The following RNF213 variants were observed in gnomAD, a reference collection of about 807,000 sequenced individuals.
The protein encoded by RNF213 is ring finger protein 213.
RNF213 carries 341 observed loss-of-function variants against 514.4 expected under a neutral mutation model. That is an observed-to-expected ratio of 0.66 (90% CI 0.61 to 0.73). RNF213 has a LOEUF of 0.73. Ranked by LOEUF, RNF213 falls within the 30% of genes least tolerant of loss-of-function variation. The probability of loss-of-function intolerance (pLI) is 0.00; values close to 1 mark genes in which losing one functional copy is unlikely to be tolerated. For synonymous variants in RNF213, 2,655 were observed against 2,658.2 expected, an observed-to-expected ratio of 1.00 and a Z score of 0.04; for missense variants, 5,767 against 6,615.6, an observed-to-expected ratio of 0.87 and a Z score of 4.45.
chr17:80,282,678 G>A (rs1358560679), intron 3 of RNF213, among the ~76,000 whole-genome samples: 2 of 151,962 alleles, frequency 1.3e-5, no homozygotes, highest in Non-Finnish European at 2.9e-5. Context: ...GATTACAGGC[G>A]TGAGCCACTG....
intron 3 of RNF213, among the ~76,000 whole-genome samples, chr17:80,276,113 A>T (rs1195113691): frequency 6.6e-6 from 1 of 150,422 alleles, no homozygotes; most frequent in Non-Finnish European, 1.5e-5. Context: ...TTATTTATTT[A>T]TTTTTGAGAT....
chr17:80,351,888 C>A, intron 32 of RNF213, 85 bp downstream of exon 32: 1 of 780,260 alleles, frequency 1.3e-6, no homozygotes, highest in Non-Finnish European at 2.2e-6. Context: ...TGGAGTCTTG[C>A]TCTGTCACCA....
chr17:80,372,512 G>C lies in RNF213; in HGVS notation c.12538-9G>C. 3.7e-6 allele frequency: 6 copies of C among 1,603,244 alleles called. No homozygotes were observed. Among genetic ancestry groups the C allele is most frequent in the Non-Finnish European group, 5.1e-6 (6 of 1,171,040 alleles). On this transcript the variant is annotated splice_polypyrimidine_tract_variant and intron_variant, in intron 47 of 67. Coordinates refer to ENST00000582970, the MANE Select transcript of RNF213 (RefSeq NM_001256071.3). ...AATATCCTTTTCTTTCTTGTTCCTT[G>C]TTCCTCAGGATTCAATACTTGAGAA...
chr17:80,307,261 A>G, intron 13 of RNF213, 60 bp downstream of exon 13: 1 of 1,487,962 alleles, frequency 6.7e-7, no homozygotes, highest in Non-Finnish European at 9.4e-7. Flanking sequence ...GCTTCCTCTG[A>G]CCCCTATAAT....
chr17:80,359,697 C>G (rs1475868915), intron 37 of RNF213, among the ~76,000 whole-genome samples: 1 of 152,074 alleles, frequency 6.6e-6, no homozygotes, highest in Non-Finnish European at 1.5e-5. Flanking sequence ...AAAGACAAGG[C>G]GCTGCTGATG....
chr17:80,391,755 C>G (rs1599226585), intron 67 of RNF213, among the ~76,000 whole-genome samples: 1 of 139,978 alleles, frequency 7.1e-6, no homozygotes, highest in East Asian at 2.1e-4. Flanking sequence ...GGATTATAAA[C>G]TAGCCTTTTT....
At chr17:80,330,660 A>G (rs979663060) in intron 20 of RNF213, among the ~76,000 whole-genome samples, 1 of 152,236 alleles carries the variant, frequency 6.6e-6, no homozygotes, top group African/African-American at 2.4e-5. Flanking sequence ...GGATGTGTCT[A>G]GAAAGGCCCT....
chr17:80,336,334 C>T lies in RNF213; in HGVS notation c.4483C>T (p.Leu1495=). The T allele has an allele frequency of 6.5e-7, 1 of 1,537,268 alleles. No homozygotes were observed. Among genetic ancestry groups the T allele is most frequent in the Non-Finnish European group, 8.7e-7 (1 of 1,146,922 alleles). The part of the protein sequence containing the change: ...FSAFMKHLKK[L]WKALDKDQYL... ...TGCATTCATGAAGCATCTGAAAAAG[C>T]TGTGGAAGGCTCTGGATAAGGACCA... The change falls in exon 23 of 68, where the codon CTG becomes TTG. Residue 1495 remains leucine (L), a synonymous_variant. Coordinates refer to ENST00000582970, the MANE Select transcript of RNF213 (RefSeq NM_001256071.3).
intron 57 of RNF213, chr17:80,382,094 A>G (rs1202569448): frequency 1.3e-5 from 4 of 313,294 alleles, no homozygotes. Flanking sequence ...TGCTGGGAGC[A>G]CGTGTCGTCC....
At chr17:80,367,639 A>C (rs2079330632) in intron 42 of RNF213, 109 bp from the exon 43 acceptor site, 5 of 805,104 alleles carry the variant, frequency 6.2e-6, no homozygotes, top group African/African-American at 3.4e-5. Context: ...CCCACACCCC[A>C]CACACACGGC....
Position 80,295,705 on chromosome 17 carries a change from T to G in RNF213, c.1904T>G (p.Leu635Arg), listed in dbSNP as rs1295606127. Residue 635 changes from leucine (L) to arginine (R), a missense_variant, in exon 10 of 68, where the codon CTT becomes CGT. Around this residue, in one of 13 missense-constraint regions of RNF213, gnomAD observed 592 missense variants for 673.9 expected, o/e 0.88. Coordinates refer to ENST00000582970, the MANE Select transcript of RNF213 (RefSeq NM_001256071.3). Reference sequence around the variant, plus strand: ...CTTTTTGTAGTGGAAAAAATTGAGCTTTTATTAGAAGGCAGCCTGGACTGG... The same window carrying G: ...CTTTTTGTAGTGGAAAAAATTGAGCGTTTATTAGAAGGCAGCCTGGACTGG... ...IVLFVVEKIE[L>R]LLEGSLDWLC... 1.9e-6 allele frequency: 3 copies of G among 1,614,042 alleles called. No homozygotes were observed.
rs775908521 is a variant in RNF213, at chr17:80,346,612, C to T, written c.8277C>T (p.Ile2759=). The T allele has an allele frequency of 1.2e-4, 195 of 1,613,030 alleles. No individual in the cohort carries two copies. The highest frequency in any genetic ancestry group is 1.5e-4 in the Non-Finnish European group (175 of 1,180,042). ...ACGTCTTCATGATGGTCGTCTGCAT[C>T]GAGCTGAAGATTCCCCTCTTCCTGG... The part of the protein sequence containing the change: ...KENVFMMVVC[I]ELKIPLFLVG... The change falls in exon 29 of 68, where the codon ATC becomes ATT. Residue 2759 remains isoleucine (I), a synonymous_variant. Transcript: ENST00000582970. The surrounding 1 kb of genome is among the most constrained non-coding windows in gnomAD (Gnocchi z 8.1).
At chr17:80,323,429 G>T (rs1228363346) in intron 17 of RNF213, among the ~76,000 whole-genome samples, 1 of 152,156 alleles carries the variant, frequency 6.6e-6, no homozygotes, top group Admixed American at 6.5e-5. Flanking sequence ...TGACAAGGAA[G>T]TCAGCTGGGA....
At position 80,288,588 on chromosome 17, in the gene RNF213, C is replaced by T; in HGVS notation, c.811-45C>T. ...CTTAAACCATTGAGTCGGAGTCACC[C>T]TGGCCCATTTTGTCACCTTGGCTCT... On this transcript the variant is annotated intron_variant, in intron 4 of 67. Coordinates refer to ENST00000582970, the MANE Select transcript of RNF213 (RefSeq NM_001256071.3). This position sits in a 1 kb window ranked among gnomAD's most constrained non-coding sequence, Gnocchi z 4.9. 1.9e-6 allele frequency: 3 copies of T among 1,614,056 alleles called. No homozygotes were observed. Among genetic ancestry groups the T allele is most frequent in the Non-Finnish European group, 2.5e-6 (3 of 1,180,030 alleles).
rs771857582 is a variant in RNF213 at position 80,390,063 on chromosome 17, A to T, written c.15337A>T (p.Asn5113Tyr). 3 of 1,614,226 alleles carry T rather than the reference A, an allele frequency of 1.9e-6. No homozygotes were observed. The highest frequency in any genetic ancestry group is 2.5e-6 in the Non-Finnish European group (3 of 1,180,038). ...GTACAAAGCGGATCTGAGCCCGGAAAATGCTAAGCTCCTCAGCACATTCCT... is the reference window on the plus strand; with the variant it reads ...GTACAAAGCGGATCTGAGCCCGGAATATGCTAAGCTCCTCAGCACATTCCT... Reference protein sequence around the residue: ...SRYKADLSPENAKLLSTFLNQ... With the variant: ...SRYKADLSPEYAKLLSTFLNQ... Residue 5113 changes from asparagine (N) to tyrosine (Y), a missense_variant, in exon 67 of 68, where the codon AAT becomes TAT. Physicochemically the swap from Asn to Tyr is moderately radical, Grantham distance 143 (BLOSUM62 -2). Around this residue, in one of 13 missense-constraint regions of RNF213, gnomAD observed 1,245 missense variants for 1,339.0 expected, o/e 0.93. Transcript: ENST00000582970.
At chr17:80,368,732 C>T (rs555154203) in intron 44 of RNF213, among the ~76,000 whole-genome samples, 16 of 152,206 alleles carry the variant, frequency 1.1e-4, no homozygotes, top group South Asian at 4.2e-4. Context: ...CACACCTGGC[C>T]GACGCCACTG....
chr17:80,377,908 G>A lies in RNF213; in HGVS notation c.13545+112G>A. ...CTCTCGGCCTTCCAGGAGAGCACAG[G>A]CTCACCGAGGACTGCCCAGGGTGCT... is the stretch of plus-strand genomic sequence containing the variant. On this transcript the variant is annotated intron_variant, in intron 54 of 67. Transcript: ENST00000582970. This position sits in a 1 kb window ranked among gnomAD's most constrained non-coding sequence, Gnocchi z 4.1. 4 of 1,247,454 alleles carry A rather than the reference G, an allele frequency of 3.2e-6. No homozygotes were observed. Among genetic ancestry groups the A allele is most frequent in the East Asian group, 2.3e-5 (1 of 43,182 alleles). The allele number at this position is 1,247,454 out of a possible 1,614,324, so 77.3% of individuals were successfully genotyped here.
chr17:80,366,784 C>G (rs1206685429), intron 42 of RNF213, among the ~76,000 whole-genome samples: 1 of 152,032 alleles, frequency 6.6e-6, no homozygotes, highest in Non-Finnish European at 1.5e-5. Context: ...AAAGAAATAC[C>G]CTTGTCAAAC....
intron 3 of RNF213, chr17:80,279,038 C>A: frequency 2.4e-6 from 3 of 1,241,470 alleles, no homozygotes; most frequent in Non-Finnish European, 3.3e-6. Flanking sequence ...CCAGGATGGG[C>A]GTTTTCGGGT....
Sources: allele counts gnomAD v4.1 joint callset (sites outside exome capture counted in the v4.1 genomes callset), GRCh38; gene constraint gnomAD v4.1.1; regional missense constraint gnomAD v4.1.1; non-coding constraint Gnocchi (gnomAD v3.1); transcripts MANE v1.5; gene names NCBI Gene and HGNC (gene_info 2026-07-23, HGNC 2026-07-21).